Variants in PLEKHH2 observed in about 807,000 individuals in gnomAD.
PLEKHH2 encodes pleckstrin homology, MyTH4 and FERM domain containing H2.
A neutral mutation model predicts 187.9 loss-of-function variants in PLEKHH2; 129 were observed. The ratio of observed to expected loss-of-function variants is 0.69; its 90% CI spans 0.59 to 0.79. The LOEUF is 0.79. PLEKHH2 is among the 30% of genes least tolerant of loss of function. PLEKHH2 has a pLI of 0.00. For synonymous variants in PLEKHH2, 686 were observed against 605.6 expected (o/e 1.13, Z -1.95); for missense variants, 2,076 against 1,751.2 (o/e 1.19, Z -3.31).
At chr2:43,655,712 T>G (rs1426259636) in intron 2 of PLEKHH2, among the ~76,000 whole-genome samples, 1 of 152,126 alleles carries the variant, frequency 6.6e-6, no homozygotes, top group Non-Finnish European at 1.5e-5. Context: ...TGGGGATGGG[T>G]TGGAAATCTC....
At chr2:43,759,921 C>T (rs1329603306) in intron 27 of PLEKHH2, among the ~76,000 whole-genome samples, 1 of 152,140 alleles carries the variant, frequency 6.6e-6, no homozygotes, top group Non-Finnish European at 1.5e-5. Flanking sequence ...AAGGTATCTT[C>T]TAACTCTGAT....
At chr2:43,645,151 A>G (rs1006520721) in intron 2 of PLEKHH2, among the ~76,000 whole-genome samples, 2 of 152,078 alleles carry the variant, frequency 1.3e-5, no homozygotes, top group South Asian at 2.1e-4. Context: ...AAAATTATCT[A>G]TTGATAGTAA....
intron 2 of PLEKHH2, among the ~76,000 whole-genome samples, chr2:43,655,153 C>T (rs1028869221): frequency 5.3e-5 from 8 of 151,888 alleles, no homozygotes. Flanking sequence ...GGCTGCAGTG[C>T]TATAATGATG....
rs184935153 is a variant in PLEKHH2 at position 43,731,517 on chromosome 2, T to A, written c.2858T>A (p.Leu953Ter). The change falls in exon 19 of 30, where the codon TTG (leucine) becomes TAG (stop). Residue 953 changes from leucine (L) to a stop codon, truncating the protein, a stop_gained. Coordinates refer to ENST00000282406, the MANE Select transcript of PLEKHH2 (RefSeq NM_172069.4). LOFTEE classifies it high-confidence loss of function. ...TCTCAGATATGGAGACACCCCACTT[T>A]GTGTCACAGTAAAGAAGGAATCATT... ...PSSQIWRHPTLCHSKEGIISP... is the reference protein window; with the variant it reads ...PSSQIWRHPT The A allele has an allele frequency of 6.2e-6, 10 of 1,603,748 alleles. No homozygotes were observed.
At chr2:43,694,956 G>A (rs746044740) in intron 5 of PLEKHH2, among the ~76,000 whole-genome samples, 187 bp from the exon 6 acceptor site, 4 of 152,040 alleles carry the variant, frequency 2.6e-5, no homozygotes, top group Non-Finnish European at 5.9e-5. Context: ...TGTAAATATT[G>A]ATACCATAAT....
At position 43,692,500 on chromosome 2, in the gene PLEKHH2, T is replaced by C; in HGVS notation, c.187-14T>C. 6.5e-7 allele frequency: 1 copy of C among 1,543,622 alleles called. No homozygotes were observed. Among genetic ancestry groups the C allele is most frequent in the Non-Finnish European group, 8.9e-7 (1 of 1,128,898 alleles). On this transcript the variant is annotated splice_polypyrimidine_tract_variant and intron_variant, in intron 3 of 29. Transcript: ENST00000282406. ...GTACACACACAATTTTAATATTTTA[T>C]CCTTTGAATTTAGGTACAAGTTATG...
chr2:43,764,482 C>T (rs534090719), intron 29 of PLEKHH2, 117 bp downstream of exon 29: 1 of 1,076,044 alleles, frequency 9.3e-7, no homozygotes, highest in East Asian at 2.8e-5. Context: ...TCAGCAAAGA[C>T]TGCATTCCAG....
intron 19 of PLEKHH2, among the ~76,000 whole-genome samples, chr2:43,736,500 G>A (rs892100457): frequency 1.1e-4 from 16 of 152,220 alleles, no homozygotes; most frequent in South Asian, 2.1e-4. Context: ...CCTGAGTCAC[G>A]GAGACAGAGT....
intron 3 of PLEKHH2, chr2:43,680,956 A>G (rs765489596): frequency 1.0e-5 from 10 of 1,001,520 alleles, no homozygotes; most frequent in African/African-American, 1.7e-5. Context: ...TTTTTACTAC[A>G]TACACTGGAT....
At chr2:43,755,061 C>T (rs1294726459) in intron 25 of PLEKHH2, among the ~76,000 whole-genome samples, 1 of 151,846 alleles carries the variant, frequency 6.6e-6, no homozygotes, top group African/African-American at 2.4e-5. Flanking sequence ...TTAGTAGAGA[C>T]GGGGTTTCAC....
intron 14 of PLEKHH2, chr2:43,711,939 C>T (rs1475011879): frequency 4.6e-6 from 5 of 1,086,190 alleles, no homozygotes; most frequent in African/African-American, 1.7e-5. Flanking sequence ...CACATTTAAG[C>T]AAGAAAGGGA....
chr2:43,666,416 G>GCAGAAATCACC (rs1667215999), intron 2 of PLEKHH2, among the ~76,000 whole-genome samples: 1 of 147,494 alleles, frequency 6.8e-6, no homozygotes, highest in Admixed American at 6.6e-5. Flanking sequence ...AGATGGAAAT[G>GCAGAAATCACC]CAGAAATCAC....
At chr2:43,717,710 C>T (rs937690700) in intron 15 of PLEKHH2, among the ~76,000 whole-genome samples, 4 of 152,322 alleles carry the variant, frequency 2.6e-5, no homozygotes, top group South Asian at 4.1e-4. Flanking sequence ...GGGCACAAGT[C>T]CTGGCTCTGC....
intron 2 of PLEKHH2, among the ~76,000 whole-genome samples, chr2:43,669,734 C>G (rs986262289): frequency 6.6e-6 from 1 of 151,442 alleles, no homozygotes; most frequent in East Asian, 1.9e-4. Context: ...GAGACGGAGT[C>G]TCACTCTGTT....
At chr2:43,698,071 G>A in intron 7 of PLEKHH2, among the ~76,000 whole-genome samples, 1 of 152,156 alleles carries the variant, frequency 6.6e-6, no homozygotes, top group East Asian at 1.9e-4. Context: ...AGAGGCCTGA[G>A]TTTTCATCCT....
rs890271552 is a variant in PLEKHH2 at position 43,745,733 on chromosome 2, G to C, written c.3556-133G>C. 3 of 602,136 alleles carry C rather than the reference G, an allele frequency of 5.0e-6. No homozygotes were observed. In the African/African-American group the frequency reaches 5.6e-5, roughly 11 times the overall value. The allele number at this position is 602,136 out of a possible 1,614,324, so 37.3% of individuals were successfully genotyped here. Reference sequence around the variant, plus strand: ...ATACTAAACTCAGAGCCGCACAGAGGCTGAAAACAAAAAGCTTGAGTATAT... The same window carrying C: ...ATACTAAACTCAGAGCCGCACAGAGCCTGAAAACAAAAAGCTTGAGTATAT... On this transcript the variant is annotated intron_variant, in intron 23 of 29. Coordinates refer to ENST00000282406, the MANE Select transcript of PLEKHH2 (RefSeq NM_172069.4).
At chr2:43,737,539 A>C (rs970513687) in intron 19 of PLEKHH2, among the ~76,000 whole-genome samples, 1 of 152,140 alleles carries the variant, frequency 6.6e-6, no homozygotes, top group Non-Finnish European at 1.5e-5. Context: ...TCCTGGCGGT[A>C]CCATCAAGCT....
rs115181540 is a variant in PLEKHH2 at position 43,655,863 on chromosome 2, A to C, written c.123+11067A>C. ...AGATGCATTTTCATGAAAAGAAAAAAATACACATTCTTTGTTCAGAAAAAT... is the reference window on the plus strand; with the variant it reads ...AGATGCATTTTCATGAAAAGAAAAACATACACATTCTTTGTTCAGAAAAAT... On this transcript the variant is annotated intron_variant, in intron 2 of 29. Transcript: ENST00000282406. 7.5e-3 allele frequency among the ~76,000 whole-genome samples: 1,147 copies of C among 152,356 alleles called. 9 individuals carry two copies. Among genetic ancestry groups the C allele is most frequent in the African/African-American group, 0.026 (1,068 of 41,578 alleles).
At chr2:43,738,766 T>C (rs1244506872) in intron 20 of PLEKHH2, among the ~76,000 whole-genome samples, 16 of 152,194 alleles carry the variant, frequency 1.1e-4, no homozygotes, top group Non-Finnish European at 8.8e-5. Flanking sequence ...TACTACTTTT[T>C]TAAACTATAG....
Sources: gnomAD v4.1 joint callset for allele counts (sites outside exome capture counted in the v4.1 genomes callset) on GRCh38, gnomAD v4.1.1 for gene constraint, MANE v1.5 for transcripts, NCBI Gene and HGNC (gene_info 2026-07-23, HGNC 2026-07-21) for gene names.